Variants in AHCYL2 observed in about 807,000 individuals in gnomAD.
AHCYL2 encodes the protein S-adenosylhomocysteine hydrolase-like protein 2.
In AHCYL2, 28 loss-of-function variants were observed where a neutral mutation model predicts 81.4. That is an observed-to-expected ratio of 0.34 (90% CI 0.25 to 0.47). AHCYL2 has a LOEUF of 0.47. AHCYL2 is among the 20% of genes least tolerant of loss of function. The pLI is 1.00. For missense variants in AHCYL2, 551 were observed against 785.1 expected (o/e 0.70, Z 3.56); for synonymous variants, 272 against 290.2 (o/e 0.94, Z 0.64).
intron 1 of AHCYL2, among the ~76,000 whole-genome samples, chr7:129,235,398 C>G (rs1000195576): frequency 6.8e-6 from 1 of 146,508 alleles, no homozygotes; most frequent in African/African-American, 2.5e-5. Context: ...CATGTGCCAC[C>G]TCATCCAGCC....
chr7:129,409,853 TTTTTTTTTTCCAAAA>T lies in AHCYL2; in HGVS notation c.1366+308_1366+322del, dbSNP rs1288860494. Among the ~76,000 whole-genome samples the T allele has an allele frequency of 2.3e-3, 8 of 3,552 alleles. No individual in the cohort carries two copies. In the East Asian group the frequency reaches 0.14, roughly 61 times the overall value. The allele number at this position is 3,552 out of a possible 152,430, so 2.3% of individuals were successfully genotyped here. A position where few individuals can be genotyped will look rare whatever the true frequency, so the allele number is the denominator to read the frequency against. ...AAAGTTTTATTTGGGAAGCCAGATATTTTTTTTTTCCAAAAATATATTTATTTTTAAAAACAGAAA... is the reference window on the plus strand; with the variant it reads ...AAAGTTTTATTTGGGAAGCCAGATATATATATTTATTTTTAAAAACAGAAA... On this transcript the variant is annotated intron_variant, in intron 11 of 16. Coordinates refer to ENST00000325006, the MANE Select transcript of AHCYL2 (RefSeq NM_015328.4).
chr7:129,370,480 C>T (rs919057264), intron 1 of AHCYL2, among the ~76,000 whole-genome samples: 31 of 152,096 alleles, frequency 2.0e-4, no homozygotes, highest in Admixed American at 1.8e-3. Flanking sequence ...GGGCAGATCA[C>T]GAGGTCAGGA....
intron 1 of AHCYL2, among the ~76,000 whole-genome samples, chr7:129,238,639 A>T (rs1199618566): frequency 1.3e-5 from 2 of 152,056 alleles, no homozygotes; most frequent in Admixed American, 6.6e-5. Flanking sequence ...GGTGAAACCC[A>T]AGAGGTTTCA....
chr7:129,256,875 A>G (rs1395778585), intron 1 of AHCYL2, among the ~76,000 whole-genome samples: 2 of 152,044 alleles, frequency 1.3e-5, no homozygotes, highest in Admixed American at 6.5e-5. Context: ...GTGTGAATAA[A>G]CTTTTTCTTA....
At chr7:129,351,462 A>G (rs1168745676) in intron 1 of AHCYL2, 2 of 152,214 alleles carry the variant, frequency 1.3e-5, no homozygotes, top group South Asian at 2.1e-4. Context: ...CTCTACACTC[A>G]AGAGAGAATG....
chr7:129,277,317 C>T (rs965821336), intron 1 of AHCYL2, among the ~76,000 whole-genome samples: 9 of 142,484 alleles, frequency 6.3e-5, no homozygotes, highest in African/African-American at 2.1e-4. Flanking sequence ...CTTGCTCTGT[C>T]GCCCAGGCTA....
chr7:129,405,896 A>G lies in AHCYL2; in HGVS notation c.1203A>G (p.Gly401=). 1 of 1,613,240 alleles carries G rather than the reference A, an allele frequency of 6.2e-7. No homozygotes were observed. Among genetic ancestry groups the G allele is most frequent in the Non-Finnish European group, 8.5e-7 (1 of 1,179,626 alleles). Residue 401 remains glycine (G), a synonymous_variant, in exon 9 of 17, where the codon GGA becomes GGG. Transcript: ENST00000325006. ...AGCAAGTGGTAGTCTGTGGCTATGG[A>G]GAGGTGAAGTTTAACCTTTTGTTTA... ...GGKQVVVCGY[G]EVGKGCCAAL... is the part of the protein sequence containing the mutation.
intron 1 of AHCYL2, among the ~76,000 whole-genome samples, chr7:129,253,686 A>G (rs1319209087): frequency 2.0e-5 from 3 of 152,178 alleles, no homozygotes; most frequent in Non-Finnish European, 4.4e-5. Context: ...GACACAGCTC[A>G]CTACAGCTTC....
intron 1 of AHCYL2, chr7:129,376,011 C>G: frequency 6.7e-7 from 1 of 1,492,976 alleles, no homozygotes; most frequent in African/African-American, 1.4e-5. Flanking sequence ...TTTTTCCCCT[C>G]CTTTCCTGCT....
intron 1 of AHCYL2, among the ~76,000 whole-genome samples, chr7:129,339,457 T>C (rs1793085134): frequency 6.6e-6 from 1 of 152,216 alleles, no homozygotes; most frequent in Admixed American, 6.5e-5. Flanking sequence ...GTAACTATCT[T>C]TGTTATATTT....
intron 2 of AHCYL2, among the ~76,000 whole-genome samples, chr7:129,384,079 A>G (rs1795090523): frequency 6.6e-6 from 1 of 152,148 alleles, no homozygotes; most frequent in Non-Finnish European, 1.5e-5. Flanking sequence ...ACATATCTCA[A>G]AACATCATGT....
chr7:129,345,018 G>A (rs529338795), intron 1 of AHCYL2, among the ~76,000 whole-genome samples: 79 of 152,238 alleles, frequency 5.2e-4, no homozygotes, highest in Middle Eastern at 6.8e-3. Flanking sequence ...AGCCAGGCAT[G>A]GTGACAGGTG....
chr7:129,244,395 C>T (rs918524202), intron 1 of AHCYL2, among the ~76,000 whole-genome samples: 5 of 152,078 alleles, frequency 3.3e-5, no homozygotes, highest in African/African-American at 1.2e-4. Flanking sequence ...CTCTGTGATA[C>T]GTGTCATAGT....
chr7:129,378,042 G>A (rs1794771683), intron 1 of AHCYL2, among the ~76,000 whole-genome samples: 1 of 152,080 alleles, frequency 6.6e-6, no homozygotes, highest in African/African-American at 2.4e-5. Context: ...AGCCAGGCGT[G>A]GTGGCTCACG....
At chr7:129,242,586 G>A (rs1794901901) in intron 1 of AHCYL2, among the ~76,000 whole-genome samples, 1 of 152,042 alleles carries the variant, frequency 6.6e-6, no homozygotes, top group South Asian at 2.1e-4. Context: ...GTGTGGTGGT[G>A]TGCGCCTGTA....
intron 4 of AHCYL2, among the ~76,000 whole-genome samples, chr7:129,396,028 T>C (rs1795719988): frequency 6.6e-6 from 1 of 152,234 alleles, no homozygotes; most frequent in African/African-American, 2.4e-5. Flanking sequence ...TGACCTCAAA[T>C]CTTTGATGGG....
intron 5 of AHCYL2, among the ~76,000 whole-genome samples, chr7:129,398,740 G>A (rs891378817): frequency 2.6e-5 from 4 of 151,978 alleles, no homozygotes; most frequent in African/African-American, 7.3e-5. Flanking sequence ...AAGGGCAAAT[G>A]AGACAATGTC....
At chr7:129,313,529 G>T (rs2694591) in intron 1 of AHCYL2, among the ~76,000 whole-genome samples, 9,393 of 152,226 alleles carry the variant, frequency 0.062, 937 homozygotes, top group African/African-American at 0.21. Context: ...TTTTTGCTGT[G>T]TAGTTTCAGT....
At chr7:129,227,356 C>T (rs1794261657) in intron 1 of AHCYL2, among the ~76,000 whole-genome samples, 1 of 150,840 alleles carries the variant, frequency 6.6e-6, no homozygotes, top group African/African-American at 2.4e-5. Flanking sequence ...AATCATGGCT[C>T]ACGTCTGTAA....
Sources: gnomAD v4.1 joint callset for allele counts (sites outside exome capture counted in the v4.1 genomes callset) on GRCh38, gnomAD v4.1.1 for gene constraint, MANE v1.5 for transcripts, NCBI Gene and HGNC (gene_info 2026-07-23, HGNC 2026-07-21) for gene names.